The following IGSF5 variants were observed in gnomAD, a reference collection of about 807,000 sequenced individuals.
IGSF5 encodes the protein immunoglobulin superfamily 5 like.
Under a neutral mutation model 39.4 loss-of-function variants are expected in IGSF5, and 41 were observed. The ratio of observed to expected loss-of-function variants is 1.04; its 90% CI spans 0.81 to 1.35. IGSF5 has a LOEUF of 1.35. IGSF5 is among the 40% of genes most tolerant of loss of function. IGSF5 has a pLI of 0.00. For synonymous variants in IGSF5, 183 were observed against 175.3 expected, an observed-to-expected ratio of 1.04 and a Z score of -0.34; for missense variants, 487 against 494.6, an observed-to-expected ratio of 0.98 and a Z score of 0.15.
intron 4 of IGSF5, among the ~76,000 whole-genome samples, chr21:39,778,826 A>G (rs1001269362): frequency 6.6e-6 from 1 of 152,212 alleles, no homozygotes; most frequent in Non-Finnish European, 1.5e-5. Context: ...TCTACTTCTC[A>G]GGGATATTAG....
intron 2 of IGSF5, among the ~76,000 whole-genome samples, chr21:39,757,948 G>A (rs899764206): frequency 3.3e-5 from 5 of 152,176 alleles, no homozygotes; most frequent in Non-Finnish European, 5.9e-5. Context: ...ATGTGTCCAC[G>A]GGCACACACC....
chr21:39,792,178 G>A, intron 7 of IGSF5, 79 bp downstream of exon 7: 1 of 847,828 alleles, frequency 1.2e-6, no homozygotes. Flanking sequence ...GATACCAGCT[G>A]CACAGGGAGG....
intron 2 of IGSF5, among the ~76,000 whole-genome samples, chr21:39,759,677 T>C (rs552646112): frequency 6.6e-6 from 1 of 151,892 alleles, no homozygotes; most frequent in African/African-American, 2.4e-5. Flanking sequence ...CCATCCTGGC[T>C]AACATGGCGA....
At chr21:39,723,651 C>T in the IGSF5 span, among the ~76,000 whole-genome samples, 1 of 152,146 alleles carries the variant, frequency 6.6e-6, no homozygotes, top group Non-Finnish European at 1.5e-5. Flanking sequence ...CCTGACAGAA[C>T]TATAAAGGTT....
chr21:39,771,683 T>C (rs373152392), intron 4 of IGSF5, among the ~76,000 whole-genome samples: 47 of 152,296 alleles, frequency 3.1e-4, no homozygotes, highest in African/African-American at 1.1e-3. Flanking sequence ...ACAATGTGTT[T>C]GAAAGTGTCA....
chr21:39,725,936 A>G, the IGSF5 span: 1 of 152,208 alleles, frequency 6.6e-6, no homozygotes. Flanking sequence ...GCAAGATGTT[A>G]CACAGCATGG....
At chr21:39,753,843 C>G (rs1378382865) in intron 2 of IGSF5, among the ~76,000 whole-genome samples, 1 of 151,978 alleles carries the variant, frequency 6.6e-6, no homozygotes, top group East Asian at 1.9e-4. Context: ...ATATCTTTCT[C>G]CAACCTTTCA....
chr21:39,739,520 TG>T, the IGSF5 span, among the ~76,000 whole-genome samples: 1 of 152,164 alleles, frequency 6.6e-6, no homozygotes, highest in South Asian at 2.1e-4. Flanking sequence ...TGTTTAAAGG[TG>T]GAAGTGGTCA....
At chr21:39,795,285 G>C (rs954269504) in intron 8 of IGSF5, among the ~76,000 whole-genome samples, 2 of 152,144 alleles carry the variant, frequency 1.3e-5, no homozygotes, top group Non-Finnish European at 1.5e-5. Flanking sequence ...CTGAGTGAAA[G>C]GTGGCAGTGG....
At chr21:39,755,417 T>C (rs892280129) in intron 2 of IGSF5, among the ~76,000 whole-genome samples, 10 of 151,926 alleles carry the variant, frequency 6.6e-5, no homozygotes, top group African/African-American at 2.4e-4. Flanking sequence ...AAACCCTGTC[T>C]CTACTGAAAA....
the IGSF5 span, among the ~76,000 whole-genome samples, chr21:39,721,596 A>T: frequency 6.6e-6 from 1 of 152,158 alleles, no homozygotes. Context: ...GCCTTCCCAG[A>T]AACACCCTTA....
the IGSF5 span, among the ~76,000 whole-genome samples, chr21:39,733,206 A>G: frequency 2.6e-5 from 4 of 152,086 alleles, no homozygotes; most frequent in African/African-American, 9.7e-5. Flanking sequence ...GCTTAACCAC[A>G]TGGGTATTCT....
chr21:39,721,172 G>A, the IGSF5 span, among the ~76,000 whole-genome samples: 1 of 152,210 alleles, frequency 6.6e-6, no homozygotes, highest in Non-Finnish European at 1.5e-5. Context: ...GGGAGACTCT[G>A]AAGTCAATGT....
At chr21:39,800,450 A>G (rs187096046) in intron 8 of IGSF5, among the ~76,000 whole-genome samples, 6 of 152,364 alleles carry the variant, frequency 3.9e-5, no homozygotes, top group Non-Finnish European at 7.3e-5. Flanking sequence ...GACAGTAGGA[A>G]TCTCTAGCAT....
At chr21:39,735,080 T>C in the IGSF5 span, among the ~76,000 whole-genome samples, 1 of 152,068 alleles carries the variant, frequency 6.6e-6, no homozygotes, top group Non-Finnish European at 1.5e-5. Context: ...GCCAGGCTGG[T>C]CTCGAACTCC....
rs1374529392 is a variant in IGSF5, at chr21:39,746,286, G to A, written c.88G>A (p.Ala30Thr). The change falls in exon 2 of 9, where the codon GCA becomes ACA. Residue 30 changes from alanine (A) to threonine (T), a missense_variant. Physicochemically the swap from Ala to Thr is moderately conservative, Grantham distance 58. Transcript: ENST00000380588. ...GGCGGGTCTGCGATGGTGGCAAACA[G>A]CAGTGGTGGACGGTGAGTGAAAGCT... Reference protein sequence around the residue: ...SAAGLRWWQTAVVDGSGSGNE... With the variant: ...SAAGLRWWQTTVVDGSGSGNE... 4.3e-6 allele frequency: 3 copies of A among 701,212 alleles called. No individual in the cohort carries two copies. Among genetic ancestry groups the A allele is most frequent in the East Asian group, 5.4e-5 (2 of 37,272 alleles). 43.4% of individuals were successfully genotyped at this position (701,212 alleles called of 1,614,324 possible). A position where few individuals can be genotyped will look rare whatever the true frequency, so the allele number is the denominator to read the frequency against.
chr21:39,734,935 C>T, the IGSF5 span, among the ~76,000 whole-genome samples: 1 of 152,022 alleles, frequency 6.6e-6, no homozygotes, highest in Non-Finnish European at 1.5e-5. Context: ...ATGATCTTAA[C>T]TCACTGTAAC....
chr21:39,788,124 A>T (rs1369180838), intron 5 of IGSF5, 43 bp from the exon 6 acceptor site: 3 of 1,498,138 alleles, frequency 2.0e-6, no homozygotes, highest in Non-Finnish European at 2.8e-6. Flanking sequence ...TTTTTAGAAT[A>T]AGTATCCCGA....
At chr21:39,732,714 G>A in the IGSF5 span, among the ~76,000 whole-genome samples, 1 of 152,178 alleles carries the variant, frequency 6.6e-6, no homozygotes, top group East Asian at 1.9e-4. Context: ...AATTAAAAGA[G>A]TTAAAGAATA....
Sources: allele counts gnomAD v4.1 joint callset (sites outside exome capture counted in the v4.1 genomes callset), GRCh38; gene constraint gnomAD v4.1.1; transcripts MANE v1.5; gene names NCBI Gene and HGNC (gene_info 2026-07-23, HGNC 2026-07-21).